Variants in PCDH15 observed in about 807,000 individuals in gnomAD.
PCDH15 encodes the protein protocadherin related 15, also known as protocadherin-15.
PCDH15 carries 129 observed loss-of-function variants against 178.5 expected under a neutral mutation model. The ratio of observed to expected loss-of-function variants is 0.72; its 90% CI spans 0.63 to 0.84. PCDH15 has a LOEUF of 0.84. Ranked by LOEUF, PCDH15 falls within the 40% of genes least tolerant of loss-of-function variation. PCDH15 has a pLI of 0.00. For missense variants in PCDH15, 2,230 were observed against 2,099.9 expected, an observed-to-expected ratio of 1.06 and a Z score of -1.21; for synonymous variants, 800 against 732.0, an observed-to-expected ratio of 1.09 and a Z score of -1.50.
At chr10:54,703,626 A>C (rs1315286909) in intron 1 of PCDH15, among the ~76,000 whole-genome samples, 1 of 152,146 alleles carries the variant, frequency 6.6e-6, no homozygotes, top group Non-Finnish European at 1.5e-5. Flanking sequence ...AATTGCTTTC[A>C]CAATAGTCAC....
intron 2 of PCDH15, among the ~76,000 whole-genome samples, chr10:54,631,721 C>T (rs969787625): frequency 2.6e-5 from 4 of 152,042 alleles, no homozygotes; most frequent in African/African-American, 9.7e-5. Context: ...AATTAACTCA[C>T]AATTCAGCAT....
At chr10:55,233,557 T>G (rs921352151) in intron 1 of PCDH15, among the ~76,000 whole-genome samples, 4 of 152,092 alleles carry the variant, frequency 2.6e-5, no homozygotes, top group Non-Finnish European at 5.9e-5. Context: ...CTTCATAAAA[T>G]GCACTGATTC....
intron 2 of PCDH15, among the ~76,000 whole-genome samples, chr10:55,545,349 C>G (rs940844748): frequency 4.0e-5 from 6 of 150,572 alleles, no homozygotes; most frequent in African/African-American, 1.5e-4. Context: ...CATCTTGGTT[C>G]ACTGCAACCT....
intron 11 of PCDH15, among the ~76,000 whole-genome samples, chr10:54,194,244 A>G (rs1354265938): frequency 1.3e-5 from 2 of 152,112 alleles, no homozygotes; most frequent in Non-Finnish European, 2.9e-5. Flanking sequence ...AATTTCCTGA[A>G]GTGATTATAA....
At chr10:53,946,370 T>C (rs1199620007) in intron 23 of PCDH15, among the ~76,000 whole-genome samples, 2 of 152,168 alleles carry the variant, frequency 1.3e-5, no homozygotes, top group African/African-American at 4.8e-5. Flanking sequence ...CTAAAATGTT[T>C]CTGTTTTTCG....
At chr10:55,024,997 A>G (rs1217691808) in intron 2 of PCDH15, among the ~76,000 whole-genome samples, 1 of 151,900 alleles carries the variant, frequency 6.6e-6, no homozygotes, top group Non-Finnish European at 1.5e-5. Context: ...TGATTATATG[A>G]CTCTTCTACT....
At chr10:55,374,349 C>T (rs72805817) in intron 2 of PCDH15, among the ~76,000 whole-genome samples, 6,762 of 152,140 alleles carry the variant, frequency 0.044, 241 homozygotes, top group Middle Eastern at 0.095. Context: ...GGACTGACAC[C>T]CACTACTAAA....
intron 2 of PCDH15, among the ~76,000 whole-genome samples, chr10:54,988,659 C>G (rs775129245): frequency 8.5e-5 from 13 of 152,064 alleles, no homozygotes; most frequent in Non-Finnish European, 1.8e-4. Flanking sequence ...GGGCATCTGG[C>G]AGAAGAAATT....
At chr10:54,754,621 AATT>A (rs1440815119) in intron 1 of PCDH15, among the ~76,000 whole-genome samples, 7 of 152,038 alleles carry the variant, frequency 4.6e-5, no homozygotes, top group African/African-American at 9.7e-5. Flanking sequence ...TACATCATTT[AATT>A]ATTATCATTA....
intron 3 of PCDH15, among the ~76,000 whole-genome samples, chr10:54,435,416 G>A (rs1193881865): frequency 6.6e-6 from 1 of 152,046 alleles, no homozygotes; most frequent in Admixed American, 6.6e-5. Context: ...AACATGCTGG[G>A]GCCTTCTCAA....
intron 2 of PCDH15, among the ~76,000 whole-genome samples, chr10:54,552,814 T>A (rs1037764520): frequency 6.6e-6 from 1 of 152,180 alleles, no homozygotes; most frequent in East Asian, 1.9e-4. Context: ...CAATGACTTG[T>A]TGATTCTAGG....
intron 18 of PCDH15, among the ~76,000 whole-genome samples, chr10:54,041,310 A>G (rs1357177840): frequency 6.6e-6 from 1 of 152,082 alleles, no homozygotes; most frequent in South Asian, 2.1e-4. Context: ...TAATTATGCT[A>G]TAAGTTTGAT....
intron 2 of PCDH15, among the ~76,000 whole-genome samples, chr10:55,445,186 C>T (rs1272415618): frequency 6.6e-6 from 1 of 152,106 alleles, no homozygotes; most frequent in Non-Finnish European, 1.5e-5. Context: ...TTTCTCTCTG[C>T]TTTTTCTTTC....
At chr10:54,789,178 G>A (rs1951164506) in intron 1 of PCDH15, among the ~76,000 whole-genome samples, 1 of 151,548 alleles carries the variant, frequency 6.6e-6, no homozygotes, top group African/African-American at 2.4e-5. Flanking sequence ...GAATGTCTTT[G>A]GTATGACCAA....
At chr10:55,269,791 A>G (rs1308116893) in intron 1 of PCDH15, among the ~76,000 whole-genome samples, 2 of 152,192 alleles carry the variant, frequency 1.3e-5, no homozygotes, top group Non-Finnish European at 2.9e-5. Flanking sequence ...TCTAAAATTC[A>G]TCTGGAACCA....
intron 14 of PCDH15, among the ~76,000 whole-genome samples, chr10:54,133,614 C>T (rs1263819635): frequency 1.3e-5 from 2 of 152,106 alleles, no homozygotes; most frequent in East Asian, 3.9e-4. Flanking sequence ...TAATAAAGCC[C>T]TTATAATGAC....
intron 20 of PCDH15, among the ~76,000 whole-genome samples, chr10:54,015,354 C>T (rs936083959): frequency 4.0e-5 from 6 of 150,786 alleles, no homozygotes; most frequent in Non-Finnish European, 8.8e-5. Context: ...AGATTCAATG[C>T]TATTCCTATT....
chr10:54,697,423 GTTTAA>G (rs2095244210), intron 1 of PCDH15, among the ~76,000 whole-genome samples: 1 of 150,672 alleles, frequency 6.6e-6, no homozygotes, highest in Non-Finnish European at 1.5e-5. Context: ...TGAGAACACA[GTTTAA>G]TTTATTTAAA....
chr10:55,004,991 C>A (rs10825427), intron 2 of PCDH15, among the ~76,000 whole-genome samples: 111,455 of 151,736 alleles, frequency 0.73, 41,064 homozygotes, highest in East Asian at 0.87. Context: ...GATATAAAAC[C>A]TTCTGGGATC....
Sources: gnomAD v4.1 joint callset for allele counts (sites outside exome capture counted in the v4.1 genomes callset) on GRCh38, gnomAD v4.1.1 for gene constraint, MANE v1.5 for transcripts, NCBI Gene and HGNC (gene_info 2026-07-23, HGNC 2026-07-21) for gene names.